USP6: variants seen among roughly 807,000 people sequenced by gnomAD.
USP6 encodes the protein ubiquitin specific peptidase 6, also known as ubiquitin carboxyl-terminal hydrolase 6.
A neutral mutation model predicts 175.7 loss-of-function variants in USP6; 128 were observed. That is an observed-to-expected ratio of 0.73 (90% CI 0.63 to 0.84). USP6 has a LOEUF of 0.84. USP6 is among the 40% of genes least tolerant of loss of function. The probability of loss-of-function intolerance (pLI) is 0.00; values close to 1 mark genes in which losing one functional copy is unlikely to be tolerated. For synonymous variants in USP6, 562 were observed against 630.6 expected (o/e 0.89, Z 1.63); for missense variants, 1,498 against 1,760.3 (o/e 0.85, Z 2.67).
Position 5,132,401 on chromosome 17 carries a change from C to A in USP6, c.161C>A (p.Thr54Lys), listed in dbSNP as rs140279827. The A allele has an allele frequency of 7.4e-6, 12 of 1,612,054 alleles. No homozygotes were observed. Among genetic ancestry groups the A allele is most frequent in the Non-Finnish European group, 1.0e-5 (12 of 1,179,856 alleles). The change falls in exon 12 of 38, where the codon ACG becomes AAG. Residue 54 changes from threonine to lysine, a missense_variant. By Grantham distance (78) the Thr-to-Lys change is moderately conservative. Coordinates refer to ENST00000574788, the MANE Select transcript of USP6 (RefSeq NM_001304284.2). This position sits in a 1 kb window ranked among gnomAD's most constrained non-coding sequence, Gnocchi z 4.7. ...SIDRFGILHETELPPVTAREA... is the reference protein window; with the variant it reads ...SIDRFGILHEKELPPVTAREA... ...CTGCCTGGGTTGCCTTACAGTGAGA[C>A]GGAGCTGCCTCCTGTGACTGCACGG...
At chr17:5,122,680 A>G (rs956963480) in intron 4 of USP6, among the ~76,000 whole-genome samples, 1 of 151,994 alleles carries the variant, frequency 6.6e-6, no homozygotes, top group Non-Finnish European at 1.5e-5. Context: ...CTTCCCGGGA[A>G]CAAAAGCAGC....
chr17:5,156,530 T>G (rs963177081), intron 31 of USP6, among the ~76,000 whole-genome samples: 3 of 152,078 alleles, frequency 2.0e-5, no homozygotes, highest in Admixed American at 2.0e-4. Context: ...GGTCTCAAAT[T>G]CCCAACCTCA....
chr17:5,151,844 A>C (rs1318919702), intron 30 of USP6, among the ~76,000 whole-genome samples: 1 of 152,190 alleles, frequency 6.6e-6, no homozygotes. Flanking sequence ...ATAGAGCTAA[A>C]TTTGAAAGCA....
At chr17:5,164,479 CAG>C (rs1202126386) in intron 33 of USP6, among the ~76,000 whole-genome samples, 2 of 152,262 alleles carry the variant, frequency 1.3e-5, no homozygotes, top group African/African-American at 2.4e-5. Flanking sequence ...CAAAATCTGA[CAG>C]GGCATTATTC....
intron 37 of USP6, among the ~76,000 whole-genome samples, chr17:5,172,042 G>T (rs1273649574): frequency 6.6e-6 from 1 of 152,022 alleles, no homozygotes; most frequent in Non-Finnish European, 1.5e-5. Flanking sequence ...GGGCATGTTG[G>T]CGCATGCCTG....
intron 31 of USP6, among the ~76,000 whole-genome samples, chr17:5,157,031 G>T (rs1296645977): frequency 6.6e-6 from 1 of 151,866 alleles, no homozygotes; most frequent in African/African-American, 2.4e-5. Flanking sequence ...CACCTGGCCA[G>T]ATTTAAATTT....
intron 37 of USP6, among the ~76,000 whole-genome samples, chr17:5,172,477 G>C (rs188442417): frequency 1.1e-3 from 173 of 152,340 alleles, no homozygotes; most frequent in Non-Finnish European, 2.0e-3. Flanking sequence ...GTTGCAGTGA[G>C]CTGAGATTGC....
intron 32 of USP6, 36 bp downstream of exon 32, chr17:5,161,650 T>C (rs548440266): frequency 6.2e-7 from 1 of 1,604,140 alleles, no homozygotes; most frequent in African/African-American, 1.3e-5. Flanking sequence ...TTTAGTAGAA[T>C]TTCAGCTTTA....
intron 14 of USP6, 100 bp downstream of exon 14, chr17:5,133,650 G>GGGGGA: frequency 2.0e-5 from 11 of 556,534 alleles, no homozygotes; most frequent in East Asian, 4.5e-5. Context: ...GGGGGGGTGG[G>GGGGGA]AGGGGATGGT....
intron 30 of USP6, among the ~76,000 whole-genome samples, chr17:5,149,893 G>A (rs1166475548): frequency 6.6e-6 from 1 of 152,148 alleles, no homozygotes; most frequent in Non-Finnish European, 1.5e-5. Context: ...CAACTTGGTA[G>A]AGTAGAAAGG....
chr17:5,133,727 C>T (rs1417535963), intron 14 of USP6, among the ~76,000 whole-genome samples, 160 bp from the exon 15 acceptor site: 1 of 152,132 alleles, frequency 6.6e-6, no homozygotes, highest in Non-Finnish European at 1.5e-5. Flanking sequence ...TGGTGACCCT[C>T]CCTGGCCTCA....
chr17:5,137,262 C>T (rs2073286157), intron 19 of USP6, 76 bp downstream of exon 19: 15 of 1,559,058 alleles, frequency 9.6e-6, no homozygotes, highest in Non-Finnish European at 1.3e-5. Context: ...GCCCGGGGGT[C>T]TGGCTCACTC....
intron 35 of USP6, 28 bp downstream of exon 35, chr17:5,169,083 C>T (rs2074158645): frequency 1.9e-6 from 3 of 1,546,654 alleles, no homozygotes; most frequent in Non-Finnish European, 2.6e-6. Context: ...TATGCAGTTG[C>T]TTTCTTGGGA....
intron 25 of USP6, among the ~76,000 whole-genome samples, chr17:5,144,037 T>C (rs1485307981): frequency 6.6e-6 from 1 of 152,146 alleles, no homozygotes; most frequent in Non-Finnish European, 1.5e-5. Context: ...ATTATTTTTA[T>C]TTAAATACAA....
intron 25 of USP6, 90 bp downstream of exon 25, chr17:5,142,592 A>C (rs193087554): frequency 4.4e-5 from 65 of 1,468,108 alleles, no homozygotes; most frequent in Non-Finnish European, 5.6e-5. Flanking sequence ...TTAGCCTTTT[A>C]GCTTAATGAA....
chr17:5,139,957 T>TA (rs1474143432), intron 22 of USP6, among the ~76,000 whole-genome samples: 4 of 152,106 alleles, frequency 2.6e-5, no homozygotes, highest in Admixed American at 6.6e-5. Context: ...TTGTTAAACT[T>TA]ATGAAAATTT....
At chr17:5,169,551 C>T (rs1042162688) in intron 35 of USP6, among the ~76,000 whole-genome samples, 1 of 152,184 alleles carries the variant, frequency 6.6e-6, no homozygotes, top group Admixed American at 6.5e-5. Flanking sequence ...AATCAATCCT[C>T]CCACCTCAGC....
In USP6 at chr17:5,135,891, G is replaced by A. The variant is rs769412814; in HGVS notation, c.627G>A (p.Leu209=). The change falls in exon 17 of 38, where the codon CTG becomes CTA. Residue 209 remains leucine, a synonymous_variant. Coordinates refer to ENST00000574788, the MANE Select transcript of USP6 (RefSeq NM_001304284.2). ...CTGAGGAGGACGCATTCTGGGCACT[G>A]GTGCAGCTGCTGGCCAGTGAGAGGC... ...YLPEEDAFWA[L]VQLLASERHS... 6.3e-6 allele frequency: 10 copies of A among 1,599,130 alleles called. No homozygotes were observed. Among genetic ancestry groups the A allele is most frequent in the Middle Eastern group, 2.2e-4 (1 of 4,558 alleles).
chr17:5,157,969 A>G (rs2073921452), intron 31 of USP6, among the ~76,000 whole-genome samples: 1 of 151,796 alleles, frequency 6.6e-6, no homozygotes. Flanking sequence ...GAATGGTGGT[A>G]CCATTTAATG....
Sources: gnomAD v4.1 joint callset for allele counts (sites outside exome capture counted in the v4.1 genomes callset) on GRCh38, gnomAD v4.1.1 for gene constraint, Gnocchi (gnomAD v3.1) non-coding constraint, MANE v1.5 for transcripts, NCBI Gene and HGNC (gene_info 2026-07-23, HGNC 2026-07-21) for gene names.